The following FAM171A1 variants were observed in gnomAD, a reference collection of about 807,000 sequenced individuals.
FAM171A1 encodes protein FAM171A1.
In FAM171A1, 23 loss-of-function variants were observed where a neutral mutation model predicts 74.9. The ratio of observed to expected loss-of-function variants is 0.31; its 90% CI spans 0.22 to 0.44. The LOEUF (loss-of-function observed/expected upper bound fraction) is 0.44. FAM171A1 is among the 20% of genes least tolerant of loss of function. The pLI is 1.00. For missense variants in FAM171A1, 1,162 were observed against 1,159.2 expected, an observed-to-expected ratio of 1.00 and a Z score of -0.03; for synonymous variants, 527 against 505.7, an observed-to-expected ratio of 1.04 and a Z score of -0.57.
chr10:15,364,203 A>G (rs574643957), intron 1 of FAM171A1, among the ~76,000 whole-genome samples: 1 of 152,336 alleles, frequency 6.6e-6, no homozygotes, highest in Non-Finnish European at 1.5e-5. Flanking sequence ...AGACTTCTGA[A>G]AGTGGCTTTT....
chr10:15,362,429 G>A (rs1031910629), intron 1 of FAM171A1, among the ~76,000 whole-genome samples: 3 of 152,180 alleles, frequency 2.0e-5, no homozygotes, highest in Admixed American at 1.3e-4. Flanking sequence ...ATTACTGGCC[G>A]CCATGGTGGC....
At position 15,214,512 on chromosome 10, in the gene FAM171A1, A is replaced by G. The variant is rs778961672; in HGVS notation, c.1076T>C (p.Met359Thr). 22 of 1,614,080 alleles carry G rather than the reference A, an allele frequency of 1.4e-5. No homozygotes were observed. The East Asian group carries it at 4.2e-4, about 31-fold the overall frequency. ...ESSKRDQSTS[M>T]SHINLLFSRR... ...TGAAAACAGCAAGTTAATGTGTGAC[A>G]TGGACGTGGACTGGTCTCTTTTGGA... The change falls in exon 8 of 8, where the codon ATG becomes ACG. Residue 359 changes from methionine to threonine, a missense_variant. Physicochemically the swap from Met to Thr is moderately conservative, Grantham distance 81 (BLOSUM62 -1). Coordinates refer to ENST00000378116, the MANE Select transcript of FAM171A1 (RefSeq NM_001010924.2).
chr10:15,263,921 G>A (rs570340480), intron 3 of FAM171A1, among the ~76,000 whole-genome samples: 54 of 148,804 alleles, frequency 3.6e-4, no homozygotes, highest in South Asian at 3.4e-3. Context: ...CCATCCTTCC[G>A]TCCGTCCGTC....
At chr10:15,261,151 A>G (rs1006548685) in intron 3 of FAM171A1, among the ~76,000 whole-genome samples, 5 of 152,228 alleles carry the variant, frequency 3.3e-5, no homozygotes, top group Non-Finnish European at 7.3e-5. Flanking sequence ...GAATGCCAAT[A>G]GTAACCTTTT....
At chr10:15,226,507 C>T (rs1834109513) in intron 5 of FAM171A1, among the ~76,000 whole-genome samples, 1 of 152,162 alleles carries the variant, frequency 6.6e-6, no homozygotes, top group South Asian at 2.1e-4. Context: ...GACGTCCCCC[C>T]AATCCCCACC....
At chr10:15,287,652 C>G (rs1588534883) in intron 1 of FAM171A1, among the ~76,000 whole-genome samples, 1 of 152,340 alleles carries the variant, frequency 6.6e-6, no homozygotes, top group South Asian at 2.1e-4. Context: ...TCCCAAAGTG[C>G]TGGGATTACA....
At chr10:15,346,453 T>C (rs924809150) in intron 1 of FAM171A1, among the ~76,000 whole-genome samples, 7 of 152,186 alleles carry the variant, frequency 4.6e-5, no homozygotes, top group Non-Finnish European at 8.8e-5. Flanking sequence ...AATGAAGAGA[T>C]GGAGCCACAG....
intron 2 of FAM171A1, among the ~76,000 whole-genome samples, chr10:15,277,887 G>A (rs1834914450): frequency 6.6e-6 from 1 of 152,126 alleles, no homozygotes; most frequent in Non-Finnish European, 1.5e-5. Context: ...CTCCTGAGTA[G>A]CTGGAATTAC....
intron 3 of FAM171A1, among the ~76,000 whole-genome samples, chr10:15,270,353 C>G (rs1834806937): frequency 1.3e-5 from 2 of 152,178 alleles, no homozygotes; most frequent in African/African-American, 4.8e-5. Context: ...ATTGCTGAGG[C>G]TTGAGTAGCC....
intron 1 of FAM171A1, among the ~76,000 whole-genome samples, chr10:15,308,164 A>G (rs929035026): frequency 2.0e-5 from 3 of 152,124 alleles, no homozygotes; most frequent in Non-Finnish European, 4.4e-5. Context: ...TGCTGTCCAC[A>G]CTAACATTTG....
intron 1 of FAM171A1, among the ~76,000 whole-genome samples, chr10:15,293,756 C>G (rs975399701): frequency 3.9e-5 from 6 of 152,148 alleles, no homozygotes; most frequent in African/African-American, 1.4e-4. Flanking sequence ...CAAACTGGCC[C>G]TGATTGTGGT....
At chr10:15,363,153 G>C (rs1430941986) in intron 1 of FAM171A1, among the ~76,000 whole-genome samples, 4 of 152,194 alleles carry the variant, frequency 2.6e-5, no homozygotes, top group African/African-American at 9.7e-5. Context: ...GATTTGAACT[G>C]GGAAGAGCAG....
intron 1 of FAM171A1, among the ~76,000 whole-genome samples, chr10:15,306,925 A>G (rs751937819): frequency 5.3e-5 from 8 of 152,190 alleles, no homozygotes; most frequent in Middle Eastern, 3.2e-3. Context: ...CTCCTAGAGC[A>G]CGGCTTTCCA....
chr10:15,213,964 ACAT>A lies in FAM171A1; in HGVS notation c.1621_1623del (p.Met541del). 3.7e-6 allele frequency: 6 copies of A among 1,614,194 alleles called. No homozygotes were observed. In the African/African-American group the frequency reaches 5.3e-5, roughly 14 times the overall value. On this transcript the variant is annotated inframe_deletion, in exon 8 of 8. Coordinates refer to ENST00000378116, the MANE Select transcript of FAM171A1 (RefSeq NM_001010924.2). This position sits in a 1 kb window ranked among gnomAD's most constrained non-coding sequence, Gnocchi z 6.8. ...CTCTCGAGGTGATCTACTGATCGCG[ACAT>A]CATACATTCAGTGGGTCTGCGGTCC...
At chr10:15,273,266 C>G (rs1218192200) in intron 3 of FAM171A1, among the ~76,000 whole-genome samples, 1 of 152,212 alleles carries the variant, frequency 6.6e-6, no homozygotes, top group Admixed American at 6.5e-5. Context: ...ATAAACAGCT[C>G]TATGCAAATA....
rs1834469438 is a variant in FAM171A1 at position 15,248,800 on chromosome 10, T to C, written c.593A>G (p.His198Arg). Residue 198 changes from histidine to arginine, a missense_variant, in exon 5 of 8, where the codon CAT (histidine) becomes CGT (arginine). Coordinates refer to ENST00000378116, the MANE Select transcript of FAM171A1 (RefSeq NM_001010924.2). ...GACGGCTGTGACTGGGGTCAGGTCATGCCTGGTGCTGTTTCCTAGAAGGAA... is the reference window on the plus strand; with the variant it reads ...GACGGCTGTGACTGGGGTCAGGTCACGCCTGGTGCTGTTTCCTAGAAGGAA... ...DGNGTGNSTR[H>R]DLTPVTAVSV... 6.2e-7 allele frequency: 1 copy of C among 1,609,490 alleles called. No homozygotes were observed. The highest frequency in any genetic ancestry group is 1.7e-5 in the Admixed American group (1 of 59,086).
chr10:15,326,374 G>C (rs1286310946), intron 1 of FAM171A1, among the ~76,000 whole-genome samples: 2 of 152,096 alleles, frequency 1.3e-5, no homozygotes, highest in East Asian at 1.9e-4. Flanking sequence ...GAGTGCAGTG[G>C]CATGCTCCTG....
chr10:15,306,369 C>CT (rs879453444), intron 1 of FAM171A1, among the ~76,000 whole-genome samples: 1,812 of 145,084 alleles, frequency 0.012, 12 homozygotes, highest in Middle Eastern at 0.04. Flanking sequence ...ATTAGCCATT[C>CT]TTTTTTTTTT....
At chr10:15,297,994 C>T (rs1835181180) in intron 1 of FAM171A1, among the ~76,000 whole-genome samples, 1 of 152,214 alleles carries the variant, frequency 6.6e-6, no homozygotes, top group African/African-American at 2.4e-5. Context: ...GTACAACTTA[C>T]ACATACAACC....
Sources: gnomAD v4.1 joint callset for allele counts (sites outside exome capture counted in the v4.1 genomes callset) on GRCh38, gnomAD v4.1.1 for gene constraint, Gnocchi (gnomAD v3.1) non-coding constraint, MANE v1.5 for transcripts, NCBI Gene and HGNC (gene_info 2026-07-23, HGNC 2026-07-21) for gene names.